IL1R1: variants seen among roughly 807,000 people sequenced by gnomAD.
IL1R1 encodes interleukin 1 receptor type 1.
Under a neutral mutation model 50.2 loss-of-function variants are expected in IL1R1, and 22 were observed. That is an observed-to-expected ratio of 0.44 (90% confidence interval 0.31 to 0.63). The LOEUF (loss-of-function observed/expected upper bound fraction) is 0.63, where lower values mean the gene tolerates loss of function less well. Among genes scored for constraint, IL1R1 ranks in the 20% least tolerant of loss-of-function variants. The probability of loss-of-function intolerance (pLI) is 0.07; values close to 1 mark genes in which losing one functional copy is unlikely to be tolerated. For synonymous variants in IL1R1, 251 were observed against 236.7 expected, an observed-to-expected ratio of 1.06 and a Z score of -0.55; for missense variants, 509 against 676.2, an observed-to-expected ratio of 0.75 and a Z score of 2.74.
intron 2 of IL1R1, among the ~76,000 whole-genome samples, chr2:102,156,544 C>CTCTG (rs1316754144): frequency 6.6e-6 from 1 of 150,950 alleles, no homozygotes; most frequent in East Asian, 1.9e-4. Flanking sequence ...TGGAGTCTCA[C>CTCTG]TCTGTCACTC....
intron 2 of IL1R1, among the ~76,000 whole-genome samples, chr2:102,155,948 ATCT>A (rs760012981): frequency 6.6e-6 from 1 of 152,218 alleles, no homozygotes; most frequent in East Asian, 1.9e-4. Flanking sequence ...TCAGTCACAC[ATCT>A]TCTTTTTCTT....
At chr2:102,079,757 A>C (rs1679127132) in intron 1 of IL1R1, among the ~76,000 whole-genome samples, 1 of 152,160 alleles carries the variant, frequency 6.6e-6, no homozygotes. Flanking sequence ...AAAATACACA[A>C]GGAAATGCAA....
At chr2:102,101,408 A>T (rs1680134927), upstream of IL1R1, among the ~76,000 whole-genome samples, 1 of 152,216 alleles carries the variant, frequency 6.6e-6, no homozygotes, top group Non-Finnish European at 1.5e-5. Flanking sequence ...GGAAAGCAGA[A>T]GTCTCCTGCC....
At chr2:102,175,735 A>G (rs1277509844) in intron 11 of IL1R1, 90 bp downstream of exon 11, 2 of 1,216,520 alleles carry the variant, frequency 1.6e-6, no homozygotes, top group Non-Finnish European at 2.4e-6. Flanking sequence ...ATCGTGGCAT[A>G]GGGGTATATG....
upstream of IL1R1, among the ~76,000 whole-genome samples, chr2:102,141,136 C>A (rs989085412): frequency 5.9e-5 from 9 of 152,206 alleles, no homozygotes; most frequent in Admixed American, 1.3e-4. Context: ...CCTGCTGTAG[C>A]TTTCAGAACT....
chr2:102,119,053 T>C (rs1442653019), intron 1 of IL1R1, among the ~76,000 whole-genome samples: 1 of 115,270 alleles, frequency 8.7e-6, no homozygotes, highest in African/African-American at 3.4e-5. Context: ...CAAGGAAAAA[T>C]AGTTGTTTTT....
chr2:102,123,463 T>C (rs1411202158), intron 1 of IL1R1, among the ~76,000 whole-genome samples: 1 of 152,216 alleles, frequency 6.6e-6, no homozygotes, highest in Non-Finnish European at 1.5e-5. Context: ...TCTTTTTAAA[T>C]TGTATCAAAA....
At chr2:102,128,404 G>C (rs1432804871) in intron 1 of IL1R1, among the ~76,000 whole-genome samples, 2 of 152,174 alleles carry the variant, frequency 1.3e-5, no homozygotes, top group Non-Finnish European at 2.9e-5. Context: ...CGTTCAAAGA[G>C]GCTGAGTATA....
rs1559510784 is a variant in IL1R1 at position 102,175,539 on chromosome 2, T to G, written c.1197T>G (p.Ser399=). Residue 399 remains serine, a synonymous_variant, in exon 11 of 12, where the codon TCT becomes TCG. Transcript: ENST00000410023. ...ATCCAAAGACTGTTGGGGAAGGGTCTACCTCTGACTGTGATATTTTTGTGT... is the reference window on the plus strand; with the variant it reads ...ATCCAAAGACTGTTGGGGAAGGGTCGACCTCTGACTGTGATATTTTTGTGT... ...ILYPKTVGEG[S]TSDCDIFVFK... 1 of 1,613,418 alleles carries G rather than the reference T, an allele frequency of 6.2e-7. No individual in the cohort carries two copies.
intron 1 of IL1R1, among the ~76,000 whole-genome samples, chr2:102,080,324 A>C (rs1679151290): frequency 6.6e-6 from 1 of 152,196 alleles, no homozygotes; most frequent in Non-Finnish European, 1.5e-5. Context: ...AATATTGGCA[A>C]ATTATCTGAT....
rs187968497 is a variant in IL1R1 at position 102,112,963 on chromosome 2, G to A, written c.-84+8091G>A. ...CTAGCTAGCTCTCTTTCTACCATGT[G>A]AGGATACAATGAGAAGTCAGCTGTC... is the stretch of plus-strand genomic sequence containing the variant. On this transcript the variant is annotated intron_variant, in intron 1 of 10. Coordinates refer to the IL1R1 transcript ENST00000409329. Among the ~76,000 whole-genome samples the A allele has an allele frequency of 9.3e-4, 142 of 152,308 alleles. 1 individual carries two copies. Among genetic ancestry groups the A allele is most frequent in the African/African-American group, 3.1e-3 (127 of 41,562 alleles).
At chr2:102,079,635 G>A (rs1679122028) in intron 1 of IL1R1, among the ~76,000 whole-genome samples, 1 of 152,048 alleles carries the variant, frequency 6.6e-6, no homozygotes, top group African/African-American at 2.4e-5. Flanking sequence ...TCATGAATCA[G>A]AAGACTTAAC....
At chr2:102,102,319 G>GCCTGGGCTCCA (rs1174740429), upstream of IL1R1, among the ~76,000 whole-genome samples, 2 of 152,166 alleles carry the variant, frequency 1.3e-5, no homozygotes, top group African/African-American at 2.4e-5. Flanking sequence ...AGCAATGCAA[G>GCCTGGGCTCCA]CCTGGGCTCC....
chr2:102,082,291 TTC>T, intron 1 of IL1R1, among the ~76,000 whole-genome samples: 1 of 152,206 alleles, frequency 6.6e-6, no homozygotes, highest in East Asian at 1.9e-4. Context: ...TAAATATTAT[TTC>T]TGGAGATATA....
intron 1 of IL1R1, among the ~76,000 whole-genome samples, chr2:102,145,527 C>T (rs531175137): frequency 2.6e-4 from 40 of 152,204 alleles, no homozygotes; most frequent in African/African-American, 7.0e-4. Context: ...TCACACATGG[C>T]GGCACGATGG....
chr2:102,138,511 T>C (rs1682467679), upstream of IL1R1, among the ~76,000 whole-genome samples: 1 of 152,224 alleles, frequency 6.6e-6, no homozygotes, highest in Admixed American at 6.5e-5. Context: ...CCTGTTCACA[T>C]GTGGCTTTCT....
rs760945361 is a variant in IL1R1, at chr2:102,164,903, C to T, written c.191C>T (p.Thr64Ile). Residue 64 changes from threonine (T) to isoleucine (I), a missense_variant, in exon 4 of 12, where the codon ACA (threonine) becomes ATA (isoleucine). Coordinates refer to ENST00000410023, the MANE Select transcript of IL1R1 (RefSeq NM_000877.4). Reference sequence around the variant, plus strand: ...ACTTGGTATAAAGATGACAGCAAGACACCTGTATCTACAGAACAAGCCTCC... The same window carrying T: ...ACTTGGTATAAAGATGACAGCAAGATACCTGTATCTACAGAACAAGCCTCC... ...TITWYKDDSK[T>I]PVSTEQASRI... 6.2e-7 allele frequency: 1 copy of T among 1,614,084 alleles called. No individual in the cohort carries two copies. The highest frequency in any genetic ancestry group is 1.1e-5 in the South Asian group (1 of 91,084).
intron 1 of IL1R1, among the ~76,000 whole-genome samples, chr2:102,097,152 T>C (rs1196666437): frequency 6.6e-6 from 1 of 152,156 alleles, no homozygotes; most frequent in African/African-American, 2.4e-5. Context: ...TTTAGAATGG[T>C]GACTTTATCG....
chr2:102,101,641 A>G (rs1680146970), upstream of IL1R1, among the ~76,000 whole-genome samples: 1 of 152,240 alleles, frequency 6.6e-6, no homozygotes, highest in African/African-American at 2.4e-5. Context: ...TCAATTCTGA[A>G]TGTGTAAACT....
Sources: allele counts gnomAD v4.1 joint callset (sites outside exome capture counted in the v4.1 genomes callset), GRCh38; gene constraint gnomAD v4.1.1; transcripts MANE v1.5; gene names NCBI Gene and HGNC (gene_info 2026-07-23, HGNC 2026-07-21).